ZNF521: variants seen among roughly 807,000 people sequenced by gnomAD.
The protein encoded by ZNF521 is LYST-interacting protein 3.
ZNF521 carries 14 observed loss-of-function variants against 105.5 expected under a neutral mutation model. That is an observed-to-expected ratio of 0.13 (90% CI 0.09 to 0.21). ZNF521 has a LOEUF of 0.21. Ranked by LOEUF, ZNF521 falls within the 10% of genes least tolerant of loss-of-function variation. The pLI is 1.00. For missense variants in ZNF521, 1,233 were observed against 1,629.7 expected (o/e 0.76, Z 4.19); for synonymous variants, 635 against 606.0 (o/e 1.05, Z -0.70).
chr18:25,066,626 G>A (rs1406654686), intron 7 of ZNF521, among the ~76,000 whole-genome samples: 1 of 152,148 alleles, frequency 6.6e-6, no homozygotes, highest in Non-Finnish European at 1.5e-5. Flanking sequence ...AGAGGCAAGT[G>A]GGAAGGATAA....
intron 5 of ZNF521, among the ~76,000 whole-genome samples, chr18:25,135,546 T>G (rs1343577937): frequency 6.6e-6 from 1 of 152,152 alleles, no homozygotes; most frequent in Non-Finnish European, 1.5e-5. Flanking sequence ...CAATTAAAGA[T>G]ATGATTTTGC....
chr18:25,220,737 T>A (rs186730882), intron 4 of ZNF521, among the ~76,000 whole-genome samples: 18 of 152,178 alleles, frequency 1.2e-4, no homozygotes, highest in Admixed American at 6.5e-4. Context: ...TGTGAGTAAA[T>A]AGTTGCTCAG....
At position 25,062,752 on chromosome 18, in the gene ZNF521, C is replaced by CGAAA; in HGVS notation, c.3907-12_3907-11insTTTC. 2.8e-6 allele frequency: 1 copy of CGAAA among 359,496 alleles called. No homozygotes were observed. Among genetic ancestry groups the CGAAA allele is most frequent in the South Asian group, 3.3e-5 (1 of 29,930 alleles). 22.3% of individuals were successfully genotyped at this position (359,496 alleles called of 1,614,324 possible). A position where few individuals can be genotyped will look rare whatever the true frequency, so the allele number is the denominator to read the frequency against. ...GGTCATTGTATGATTCTGTAAATAA[C>CGAAA]AAAAAAAAAAAAAAAAAAAAAAAAA... is the stretch of plus-strand genomic sequence containing the variant. On this transcript the variant is annotated splice_polypyrimidine_tract_variant and intron_variant, in intron 7 of 7. Coordinates refer to ENST00000361524, the MANE Select transcript of ZNF521 (RefSeq NM_015461.3).
At chr18:25,150,538 C>A (rs967713986) in intron 5 of ZNF521, among the ~76,000 whole-genome samples, 1 of 152,060 alleles carries the variant, frequency 6.6e-6, no homozygotes, top group Non-Finnish European at 1.5e-5. Flanking sequence ...TTTGAAGAGA[C>A]CAGAGGATGT....
At chr18:25,312,532 G>GTAACTGCATGGAAGAACTTGGTGGAAGC in intron 3 of ZNF521, among the ~76,000 whole-genome samples, 1 of 40,468 alleles carries the variant, frequency 2.5e-5, no homozygotes, top group African/African-American at 9.2e-5. Context: ...TTGGAACCAG[G>GTAACTGCATGGAAGAACTTGGTGGAAGC]CCGGGCGCGG....
chr18:25,293,938 T>C (rs1911177295), intron 3 of ZNF521, among the ~76,000 whole-genome samples: 1 of 152,186 alleles, frequency 6.6e-6, no homozygotes, highest in Admixed American at 6.5e-5. Flanking sequence ...TGCTTGCAAA[T>C]AATTTCTTTA....
chr18:25,213,578 T>C (rs750895187), intron 4 of ZNF521, among the ~76,000 whole-genome samples: 32 of 152,118 alleles, frequency 2.1e-4, no homozygotes, highest in Non-Finnish European at 4.0e-4. Context: ...TGTAAAATCA[T>C]GAATAAAAGT....
intron 2 of ZNF521, among the ~76,000 whole-genome samples, chr18:25,334,760 A>G (rs1190962217): frequency 6.6e-6 from 1 of 152,190 alleles, no homozygotes; most frequent in Admixed American, 6.5e-5. Flanking sequence ...TGCCACCCCT[A>G]GAGACTTTGC....
intron 3 of ZNF521, among the ~76,000 whole-genome samples, chr18:25,296,468 T>G (rs1911324239): frequency 6.6e-6 from 1 of 152,202 alleles, no homozygotes; most frequent in Non-Finnish European, 1.5e-5. Flanking sequence ...TCAAAGATAC[T>G]CAGTCACACT....
intron 3 of ZNF521, among the ~76,000 whole-genome samples, chr18:25,249,284 TA>T (rs564891418): frequency 6.7e-4 from 101 of 151,492 alleles, no homozygotes; most frequent in African/African-American, 2.3e-3. Flanking sequence ...GCCTCCAGAG[TA>T]ACTGGGACTA....
intron 2 of ZNF521, among the ~76,000 whole-genome samples, chr18:25,328,610 T>C (rs1913377242): frequency 6.6e-6 from 1 of 151,894 alleles, no homozygotes; most frequent in African/African-American, 2.4e-5. Flanking sequence ...CGGAGTGCAG[T>C]GGCGTGATCT....
chr18:25,155,541 T>C (rs1168560870), intron 5 of ZNF521, among the ~76,000 whole-genome samples: 1 of 152,214 alleles, frequency 6.6e-6, no homozygotes, highest in Non-Finnish European at 1.5e-5. Context: ...CTAGGAATTT[T>C]ATGGTTTTAG....
intron 3 of ZNF521, among the ~76,000 whole-genome samples, chr18:25,258,433 T>A (rs1220625763): frequency 6.6e-6 from 1 of 152,134 alleles, no homozygotes; most frequent in African/African-American, 2.4e-5. Flanking sequence ...GGGAAAAGAA[T>A]TATTTAAAGA....
Position 25,062,770 on chromosome 18 carries a change from AAAAAAAAAAAAAAAAG to A in ZNF521, c.3907-45_3907-30del. 5 of 1,489,286 alleles carry A rather than the reference AAAAAAAAAAAAAAAAG, an allele frequency of 3.4e-6. No homozygotes were observed. In the African/African-American group the frequency reaches 5.8e-5, roughly 17 times the overall value. 92.3% of individuals were successfully genotyped at this position (1,489,286 alleles called of 1,614,324 possible). A position where few individuals can be genotyped will look rare whatever the true frequency, so the allele number is the denominator to read the frequency against. ...TAAATAACAAAAAAAAAAAAAAAAAAAAAAAAAAAAAAAAAGAGAAGAGAGGGAAAACAAACTTCAG... is the reference window on the plus strand; with the variant it reads ...TAAATAACAAAAAAAAAAAAAAAAAAAGAAGAGAGGGAAAACAAACTTCAG... On this transcript the variant is annotated intron_variant, in intron 7 of 7. Coordinates refer to ENST00000361524, the MANE Select transcript of ZNF521 (RefSeq NM_015461.3).
chr18:25,142,178 G>C (rs2034861574), intron 5 of ZNF521, among the ~76,000 whole-genome samples: 1 of 152,014 alleles, frequency 6.6e-6, no homozygotes, highest in African/African-American at 2.4e-5. Context: ...CAGAAGCACA[G>C]CACCTCATCA....
At chr18:25,223,395 G>T (rs1361969792) in intron 4 of ZNF521, among the ~76,000 whole-genome samples, 2 of 152,136 alleles carry the variant, frequency 1.3e-5, no homozygotes, top group African/African-American at 4.8e-5. Flanking sequence ...GCCACAGGGG[G>T]GCCTCCGCCA....
At chr18:25,296,685 A>T (rs2145051519) in intron 3 of ZNF521, among the ~76,000 whole-genome samples, 2 of 152,252 alleles carry the variant, frequency 1.3e-5, no homozygotes, top group East Asian at 3.9e-4. Context: ...CTCTTCCTCA[A>T]GGTCAAGTTC....
At chr18:25,189,398 T>C (rs1457865984) in intron 5 of ZNF521, among the ~76,000 whole-genome samples, 2 of 152,248 alleles carry the variant, frequency 1.3e-5, no homozygotes, top group Non-Finnish European at 2.9e-5. Flanking sequence ...AATTCTGTTT[T>C]CAGTTACTGT....
At chr18:25,146,739 G>GT (rs2043483514) in intron 5 of ZNF521, among the ~76,000 whole-genome samples, 1 of 111,048 alleles carries the variant, frequency 9.0e-6, no homozygotes, top group Non-Finnish European at 2.0e-5. Context: ...TCAAGGCCCA[G>GT]TTCAAGTCCT....
Sources: gnomAD v4.1 joint callset for allele counts (sites outside exome capture counted in the v4.1 genomes callset) on GRCh38, gnomAD v4.1.1 for gene constraint, MANE v1.5 for transcripts, NCBI Gene and HGNC (gene_info 2026-07-23, HGNC 2026-07-21) for gene names.